MTFP1: variants seen among roughly 807,000 people sequenced by gnomAD.
MTFP1 encodes the protein mitochondrial fission process 1, also known as mitochondrial fission process protein 1.
A neutral mutation model predicts 17.1 loss-of-function variants in MTFP1; 19 were observed. The observed-to-expected ratio is 1.11, with a 90% CI of 0.77 to 1.63. The LOEUF (loss-of-function observed/expected upper bound fraction) is 1.63. Among genes scored for constraint, MTFP1 ranks in the 40% most tolerant of loss-of-function variants. The pLI is 0.00. For missense variants in MTFP1, 221 were observed against 226.2 expected (o/e 0.98, Z 0.15); for synonymous variants, 89 against 95.2 (o/e 0.93, Z 0.38).
chr22:30,426,930 T>C (rs568303944), intron 2 of MTFP1, 86 bp downstream of exon 2: 2 of 1,582,798 alleles, frequency 1.3e-6, no homozygotes, highest in Non-Finnish European at 1.7e-6. Context: ...ATAAAGTCCC[T>C]GTGGGACACT....
chr22:30,428,069 A>T (rs1471562662), intron 3 of MTFP1, among the ~76,000 whole-genome samples: 1 of 152,208 alleles, frequency 6.6e-6, no homozygotes, highest in Non-Finnish European at 1.5e-5. Flanking sequence ...TGCCCACCCT[A>T]TGAGCCAGTT....
Position 30,428,935 on chromosome 22 carries a change from A to G in MTFP1, c.*401A>G, listed in dbSNP as rs1432419229. ...CTTGACAGAGTCACCCCATGGTGGT[A>G]TGGCTGAACAAGGAGCGGCAGACAA... is the stretch of plus-strand genomic sequence containing the variant. On this transcript the variant is annotated 3_prime_UTR_variant, in exon 4 of 4. Transcript: ENST00000266263. 2.0e-6 allele frequency: 1 copy of G among 504,172 alleles called. No homozygotes were observed. Among genetic ancestry groups the G allele is most frequent in the Non-Finnish European group, 3.6e-6 (1 of 277,428 alleles). 31.2% of individuals were successfully genotyped at this position (504,172 alleles called of 1,614,324 possible).
At position 30,426,777 on chromosome 22, in the gene MTFP1, T is replaced by TATGGCGTGGCC; in HGVS notation, c.128_129insATGGCGTGGCC (p.Ser44TrpfsTer38). ...CTTGTGCCAGCGGCGGTGGTGTGGC[T>TATGGCGTGGCC]GAGCTATGGCGTGGCCAGCTCCTAC... On this transcript the variant is annotated frameshift_variant, in exon 2 of 4. Transcript: ENST00000266263. LOFTEE classifies it high-confidence loss of function. 1.2e-6 allele frequency: 2 copies of TATGGCGTGGCC among 1,614,088 alleles called. No individual in the cohort carries two copies. The highest frequency in any genetic ancestry group is 2.2e-5 in the South Asian group (2 of 91,090).
In MTFP1 at chr22:30,428,736, G is replaced by T; in HGVS notation, c.*202G>T. ...CACAGAAGGGCAGGACCTGAACGCT[G>T]TCTGCTTCCCTGGAATCCAAGATGC... is the stretch of plus-strand genomic sequence containing the variant. On this transcript the variant is annotated 3_prime_UTR_variant, in exon 4 of 4. Transcript: ENST00000266263. 1 of 1,504,044 alleles carries T rather than the reference G, an allele frequency of 6.6e-7. No homozygotes were observed. The highest frequency in any genetic ancestry group is 9.2e-7 in the Non-Finnish European group (1 of 1,084,342). 93.2% of individuals were successfully genotyped at this position (1,504,044 alleles called of 1,614,324 possible). A position where few individuals can be genotyped will look rare whatever the true frequency, so the allele number is the denominator to read the frequency against.
intron 3 of MTFP1, 149 bp downstream of exon 3, chr22:30,427,552 G>C (rs978565595): frequency 8.6e-6 from 7 of 813,982 alleles, no homozygotes; most frequent in Non-Finnish European, 1.0e-5. Context: ...CTTGGCTCCT[G>C]GGTTAGAAAG....
chr22:30,426,946 C>T (rs777732953), intron 2 of MTFP1, 102 bp downstream of exon 2: 26 of 1,563,562 alleles, frequency 1.7e-5, no homozygotes, highest in Non-Finnish European at 2.3e-5. Flanking sequence ...ACACTCCAGT[C>T]CCTACAACCT....
Position 30,427,171 on chromosome 22 carries a change from G to A in MTFP1, c.196G>A (p.Val66Met). The A allele has an allele frequency of 1.2e-6, 2 of 1,614,036 alleles. No homozygotes were observed. Among genetic ancestry groups the A allele is most frequent in the Non-Finnish European group, 8.5e-7 (1 of 1,179,958 alleles). ...GATTAAGTGTCTCTGCGCCCACCAG[G>A]TGCCCAGCCCTGAAGCAGGCCGCAG... ...AIDKGKKAGE[V>M]PSPEAGRSAR... The change falls in exon 3 of 4, where the codon GTG (valine) becomes ATG (methionine). Residue 66 changes from valine to methionine, a missense_variant and splice_region_variant. Coordinates refer to ENST00000266263, the MANE Select transcript of MTFP1 (RefSeq NM_016498.5).
chr22:30,427,200 C>T lies in MTFP1; in HGVS notation c.225C>T (p.Ala75=), dbSNP rs760105892. ...CCAGCCCTGAAGCAGGCCGCAGCGCCAGGGTGACTGTGGCTGTGGTGGACA... is the reference window on the plus strand; with the variant it reads ...CCAGCCCTGAAGCAGGCCGCAGCGCTAGGGTGACTGTGGCTGTGGTGGACA... ...EVPSPEAGRS[A]RVTVAVVDTF... The change falls in exon 3 of 4, where the codon GCC becomes GCT. Residue 75 remains alanine, a synonymous_variant. Coordinates refer to ENST00000266263, the MANE Select transcript of MTFP1 (RefSeq NM_016498.5). 1.2e-6 allele frequency: 2 copies of T among 1,614,160 alleles called. No homozygotes were observed. Among genetic ancestry groups the T allele is most frequent in the Non-Finnish European group, 1.7e-6 (2 of 1,180,024 alleles).
chr22:30,428,696 G>A lies in MTFP1; in HGVS notation c.*162G>A, dbSNP rs1934713844. On this transcript the variant is annotated 3_prime_UTR_variant, in exon 4 of 4. Coordinates refer to ENST00000266263, the MANE Select transcript of MTFP1 (RefSeq NM_016498.5). ...TTAGAGACAAAGGCTTCAAGAAGCA[G>A]TGGCTGCAGGGAGTCACAGAAGGGC... The A allele has an allele frequency of 3.7e-6, 6 of 1,608,220 alleles. No homozygotes were observed. The highest frequency in any genetic ancestry group is 5.1e-6 in the Non-Finnish European group (6 of 1,174,866).
chr22:30,427,163 C>T lies in MTFP1; in HGVS notation c.196-8C>T, dbSNP rs1190729265. The T allele has an allele frequency of 1.9e-6, 3 of 1,613,824 alleles. No homozygotes were observed. The highest frequency in any genetic ancestry group is 1.7e-5 in the Admixed American group (1 of 60,030). On this transcript the variant is annotated splice_polypyrimidine_tract_variant and splice_region_variant and intron_variant, in intron 2 of 3. Transcript: ENST00000266263. ...CCCAGCTGGATTAAGTGTCTCTGCG[C>T]CCACCAGGTGCCCAGCCCTGAAGCA...
At position 30,427,473 on chromosome 22, in the gene MTFP1, T is replaced by A. The variant is rs560074222; in HGVS notation, c.428+70T>A. ...GAGAGTGGATCATCCAGTCTCCAGGTAGAGCTAGACTCTGTGAAGTGTGGG... is the reference window on the plus strand; with the variant it reads ...GAGAGTGGATCATCCAGTCTCCAGGAAGAGCTAGACTCTGTGAAGTGTGGG... On this transcript the variant is annotated intron_variant, in intron 3 of 3. Coordinates refer to ENST00000266263, the MANE Select transcript of MTFP1 (RefSeq NM_016498.5). 4 of 1,488,326 alleles carry A rather than the reference T, an allele frequency of 2.7e-6. No individual in the cohort carries two copies. The Admixed American group carries it at 5.0e-5, about 19-fold the overall frequency. 92.2% of individuals were successfully genotyped at this position (1,488,326 alleles called of 1,614,324 possible).
rs758851263 is a variant in MTFP1 at position 30,425,974 on chromosome 22, C to A, written c.67+28C>A. 1.0e-5 allele frequency: 15 copies of A among 1,490,518 alleles called. No individual in the cohort carries two copies. The Middle Eastern group carries it at 1.0e-3, about 102-fold the overall frequency. 92.3% of individuals were successfully genotyped at this position (1,490,518 alleles called of 1,614,324 possible). A position where few individuals can be genotyped will look rare whatever the true frequency, so the allele number is the denominator to read the frequency against. On this transcript the variant is annotated intron_variant, in intron 1 of 3. Coordinates refer to ENST00000266263, the MANE Select transcript of MTFP1 (RefSeq NM_016498.5). The stretch of plus-strand genomic sequence containing the variant: ...GAGCGCGGGGCGACGGGCGCGGCGA[C>A]CCCACCACCACTGGGCTGGAGAAGC...
In MTFP1 at chr22:30,428,893, C is replaced by T. The variant is rs1934717061; in HGVS notation, c.*359C>T. 1.8e-6 allele frequency: 1 copy of T among 558,286 alleles called. No homozygotes were observed. The highest frequency in any genetic ancestry group is 3.2e-6 in the Non-Finnish European group (1 of 312,022). 34.6% of individuals were successfully genotyped at this position (558,286 alleles called of 1,614,324 possible). A position where few individuals can be genotyped will look rare whatever the true frequency, so the allele number is the denominator to read the frequency against. ...CCAAGATCACTTGGCAAGCTGGGCA[C>T]CCAGGACCCCCAGGTGCTTGACAGA... is the stretch of plus-strand genomic sequence containing the variant. On this transcript the variant is annotated 3_prime_UTR_variant, in exon 4 of 4. Transcript: ENST00000266263.
rs1934655620 is a variant in MTFP1 at position 30,425,800 on chromosome 22, G to C, written c.-80G>C. Reference sequence around the variant, plus strand: ...GCGGGACTTTCGGCGGGTCCCGGCCGGGCAGACCCAAGTGCCGGCGGCGGA... The same window carrying C: ...GCGGGACTTTCGGCGGGTCCCGGCCCGGCAGACCCAAGTGCCGGCGGCGGA... On this transcript the variant is annotated 5_prime_UTR_variant, in exon 1 of 4. Coordinates refer to ENST00000266263, the MANE Select transcript of MTFP1 (RefSeq NM_016498.5). The C allele has an allele frequency of 2.1e-6, 3 of 1,407,144 alleles. No individual in the cohort carries two copies. Among genetic ancestry groups the C allele is most frequent in the Non-Finnish European group, 2.8e-6 (3 of 1,060,628 alleles). 87.2% of individuals were successfully genotyped at this position (1,407,144 alleles called of 1,614,324 possible).
At position 30,427,419 on chromosome 22, in the gene MTFP1, G is replaced by A. The variant is rs940277047; in HGVS notation, c.428+16G>A. On this transcript the variant is annotated intron_variant, in intron 3 of 3. Transcript: ENST00000266263. The stretch of plus-strand genomic sequence containing the variant: ...CCATTGACAGGTGGGTACCTTCTTG[G>A]CCTCAGGGATCATCCACTCTCCAGT... The A allele has an allele frequency of 1.9e-6, 3 of 1,607,146 alleles. No homozygotes were observed. The highest frequency in any genetic ancestry group is 2.6e-6 in the Non-Finnish European group (3 of 1,173,996).
At position 30,427,352 on chromosome 22, in the gene MTFP1, C is replaced by T; in HGVS notation, c.377C>T (p.Thr126Ile). Reference protein sequence around the residue: ...RWPLAVRKWTTTALGLLTIPI... With the variant: ...RWPLAVRKWTITALGLLTIPI... The stretch of plus-strand genomic sequence containing the variant: ...CCCCTGGCTGTCCGCAAGTGGACCA[C>T]CACCGCGCTTGGGCTGTTGACCATC... Residue 126 changes from threonine (T) to isoleucine (I), a missense_variant, in exon 3 of 4, where the codon ACC (threonine) becomes ATC (isoleucine). Physicochemically the swap from Thr to Ile is moderately conservative, Grantham distance 89. Coordinates refer to ENST00000266263, the MANE Select transcript of MTFP1 (RefSeq NM_016498.5). 1 of 1,614,176 alleles carries T rather than the reference C, an allele frequency of 6.2e-7. No homozygotes were observed. Among genetic ancestry groups the T allele is most frequent in the South Asian group, 1.1e-5 (1 of 91,088 alleles).
chr22:30,427,155 T>C lies in MTFP1; in HGVS notation c.196-16T>C. On this transcript the variant is annotated splice_polypyrimidine_tract_variant and intron_variant, in intron 2 of 3. Coordinates refer to ENST00000266263, the MANE Select transcript of MTFP1 (RefSeq NM_016498.5). ...GCCTCTGCCCCAGCTGGATTAAGTG[T>C]CTCTGCGCCCACCAGGTGCCCAGCC... is the stretch of plus-strand genomic sequence containing the variant. The C allele has an allele frequency of 6.2e-7, 1 of 1,613,306 alleles. No homozygotes were observed. The highest frequency in any genetic ancestry group is 8.5e-7 in the Non-Finnish European group (1 of 1,179,306).
chr22:30,425,967 G>C, intron 1 of MTFP1, 21 bp downstream of exon 1: 3 of 1,496,048 alleles, frequency 2.0e-6, no homozygotes, highest in Non-Finnish European at 2.7e-6. Flanking sequence ...GGCGACGGGC[G>C]CGGCGACCCC....
Position 30,428,933 on chromosome 22 carries a change from G to T in MTFP1, c.*399G>T. On this transcript the variant is annotated 3_prime_UTR_variant, in exon 4 of 4. Coordinates refer to ENST00000266263, the MANE Select transcript of MTFP1 (RefSeq NM_016498.5). ...TGCTTGACAGAGTCACCCCATGGTG[G>T]TATGGCTGAACAAGGAGCGGCAGAC... 1 of 508,814 alleles carries T rather than the reference G, an allele frequency of 2.0e-6. No individual in the cohort carries two copies. The highest frequency in any genetic ancestry group is 3.6e-6 in the Non-Finnish European group (1 of 280,392). 31.5% of individuals were successfully genotyped at this position (508,814 alleles called of 1,614,324 possible).
Sources: allele counts gnomAD v4.1 joint callset (sites outside exome capture counted in the v4.1 genomes callset), GRCh38; gene constraint gnomAD v4.1.1; transcripts MANE v1.5; gene names NCBI Gene and HGNC (gene_info 2026-07-23, HGNC 2026-07-21).